Variants in RBL1 observed in about 807,000 individuals in gnomAD.
RBL1 encodes RB transcriptional corepressor like 1.
In RBL1, 82 loss-of-function variants were observed where a neutral mutation model predicts 123.0. The ratio of observed to expected loss-of-function variants is 0.67; its 90% CI spans 0.56 to 0.80. The LOEUF is 0.80. Ranked by LOEUF, RBL1 falls within the 30% of genes least tolerant of loss-of-function variation. RBL1 has a pLI of 0.00. For missense variants in RBL1, 1,171 were observed against 1,299.6 expected (o/e 0.90, Z 1.52); for synonymous variants, 405 against 441.3 (o/e 0.92, Z 1.03).
chr20:37,073,431 C>T (rs1600583369), intron 2 of RBL1, among the ~76,000 whole-genome samples: 1 of 152,212 alleles, frequency 6.6e-6, no homozygotes. Flanking sequence ...GGTGTGGTGG[C>T]TCATATCTGT....
chr20:37,061,090 G>A lies in RBL1; in HGVS notation c.1250+13C>T, dbSNP rs368761908. On this transcript the variant is annotated intron_variant, in intron 9 of 21. Transcript: ENST00000373664. Reference sequence around the variant, plus strand: ...TAAAAAGACATTTGGAAAAATAACAGTATTGTACATACTCAAAAATATTTA... The same window carrying A: ...TAAAAAGACATTTGGAAAAATAACAATATTGTACATACTCAAAAATATTTA... 13 of 1,581,382 alleles carry A rather than the reference G, an allele frequency of 8.2e-6. No homozygotes were observed. In the African/African-American group the frequency reaches 1.8e-4, roughly 21 times the overall value.
At chr20:37,087,716 A>T (rs568347133) in intron 2 of RBL1, among the ~76,000 whole-genome samples, 1 of 152,252 alleles carries the variant, frequency 6.6e-6, no homozygotes, top group Non-Finnish European at 1.5e-5. Context: ...ATAAATAGAC[A>T]TGATAAGCAA....
At chr20:37,066,926 G>A (rs963187615) in intron 5 of RBL1, 42 bp from the exon 6 acceptor site, 1 of 1,595,886 alleles carries the variant, frequency 6.3e-7, no homozygotes, top group Non-Finnish European at 8.5e-7. Context: ...AAAAAAAATA[G>A]TCAACTTTTA....
intron 20 of RBL1, among the ~76,000 whole-genome samples, chr20:37,005,894 C>CTT (rs1013303071): frequency 0.13 from 12,258 of 98,036 alleles, 1,206 homozygotes; most frequent in East Asian, 0.39. Context: ...TTTTTTCTTT[C>CTT]TTTTTTTTTT....
At chr20:37,084,091 G>C (rs571592109) in intron 2 of RBL1, among the ~76,000 whole-genome samples, 43 of 151,308 alleles carry the variant, frequency 2.8e-4, no homozygotes, top group African/African-American at 9.7e-4. Context: ...GTAGAAACAG[G>C]GTATCACCCT....
intron 2 of RBL1, chr20:37,082,054 T>C (rs1162286056): frequency 4.4e-6 from 2 of 455,068 alleles, no homozygotes; most frequent in South Asian, 1.6e-5. Context: ...AGAGCATGTG[T>C]CTCTATGCCG....
intron 2 of RBL1, chr20:37,082,088 G>A (rs2065461482): frequency 2.2e-6 from 1 of 448,460 alleles, no homozygotes; most frequent in Non-Finnish European, 4.5e-6. Context: ...GGCTGGGCCA[G>A]GATCATAAGG....
chr20:37,012,952 C>T (rs1378994534), intron 19 of RBL1, among the ~76,000 whole-genome samples: 5 of 150,930 alleles, frequency 3.3e-5, no homozygotes, highest in South Asian at 2.1e-4. Flanking sequence ...CCGCCCCGTC[C>T]GGGAGGGAGG....
intron 2 of RBL1, among the ~76,000 whole-genome samples, chr20:37,069,483 C>T (rs948972572): frequency 6.6e-6 from 1 of 150,664 alleles, no homozygotes; most frequent in African/African-American, 2.5e-5. Flanking sequence ...AGCGCCTCTG[C>T]CCCGCCACCC....
chr20:37,010,715 G>A (rs2064135584), intron 19 of RBL1, among the ~76,000 whole-genome samples: 1 of 152,172 alleles, frequency 6.6e-6, no homozygotes, highest in Non-Finnish European at 1.5e-5. Context: ...ACTGTTGTAT[G>A]TGTGGACCAT....
At chr20:37,036,579 T>C (rs2064615177) in intron 14 of RBL1, among the ~76,000 whole-genome samples, 1 of 151,918 alleles carries the variant, frequency 6.6e-6, no homozygotes, top group Admixed American at 6.6e-5. Context: ...ATTATTTATT[T>C]TTACATTCAC....
At chr20:37,006,358 G>A (rs1480072234) in intron 20 of RBL1, among the ~76,000 whole-genome samples, 12 of 150,064 alleles carry the variant, frequency 8.0e-5, no homozygotes, top group South Asian at 2.1e-4. Flanking sequence ...CTGCCACCAC[G>A]CCCAGCTAAT....
At chr20:37,004,377 C>T (rs977114590) in intron 20 of RBL1, among the ~76,000 whole-genome samples, 3 of 151,010 alleles carry the variant, frequency 2.0e-5, no homozygotes, top group Non-Finnish European at 4.4e-5. Context: ...CCACTATGCC[C>T]GGCCTATTTT....
At chr20:37,004,071 T>C (rs545217399) in intron 20 of RBL1, among the ~76,000 whole-genome samples, 1,826 of 143,412 alleles carry the variant, frequency 0.013, 36 homozygotes, top group African/African-American at 0.044. Flanking sequence ...TTCCTGAATC[T>C]TTTTTTTTTT....
rs1181776362 is a variant in RBL1 at position 37,066,814 on chromosome 20, C to T, written c.756G>A (p.Leu252=). The T allele has an allele frequency of 6.2e-7, 1 of 1,612,524 alleles. No homozygotes were observed. The highest frequency in any genetic ancestry group is 8.5e-7 in the Non-Finnish European group (1 of 1,178,830). The part of the protein sequence containing the change: ...SEEPPCIIAV[L]CELHDGLLVE... Reference sequence around the variant, plus strand: ...CGAGAAGTCCATCATGCAGTTCACACAGTACAGCAATGATGCAGGGTGGCT... The same window carrying T: ...CGAGAAGTCCATCATGCAGTTCACATAGTACAGCAATGATGCAGGGTGGCT... Residue 252 remains leucine (L), a synonymous_variant, in exon 6 of 22, where the codon CTG becomes CTA. Transcript: ENST00000373664.
intron 17 of RBL1, among the ~76,000 whole-genome samples, 178 bp downstream of exon 17, chr20:37,022,472 G>T (rs2064356021): frequency 1.3e-5 from 2 of 152,136 alleles, no homozygotes; most frequent in South Asian, 2.1e-4. Flanking sequence ...GCCTATAGGT[G>T]CAAGCCACAA....
Position 37,035,501 on chromosome 20 carries a change from T to C in RBL1, c.1911A>G (p.Gln637=). ...CATGGACAGAAATTGGAGACAATGG[T>C]TGCATATCTAAAAAAAAATAATAAA... The part of the protein sequence containing the change: ...TDSGSLRRDM[Q]PLSPISVHER... The change falls in exon 15 of 22, where the codon CAA becomes CAG. Residue 637 remains glutamine, a synonymous_variant. Coordinates refer to ENST00000373664, the MANE Select transcript of RBL1 (RefSeq NM_002895.5). 2 of 1,560,476 alleles carry C rather than the reference T, an allele frequency of 1.3e-6. No homozygotes were observed. Among genetic ancestry groups the C allele is most frequent in the Non-Finnish European group, 1.7e-6 (2 of 1,157,714 alleles).
At chr20:37,059,875 A>G (rs2065066277) in intron 9 of RBL1, among the ~76,000 whole-genome samples, 1 of 152,104 alleles carries the variant, frequency 6.6e-6, no homozygotes, top group Admixed American at 6.6e-5. Flanking sequence ...AAAACTGTAT[A>G]AAATTCCATT....
chr20:37,054,038 C>CAG (rs1357624421), intron 11 of RBL1, among the ~76,000 whole-genome samples: 4 of 151,586 alleles, frequency 2.6e-5, no homozygotes, highest in African/African-American at 4.8e-5. Context: ...TACACACACA[C>CAG]ACACACACAC....
Sources: gnomAD v4.1 joint callset for allele counts (sites outside exome capture counted in the v4.1 genomes callset) on GRCh38, gnomAD v4.1.1 for gene constraint, MANE v1.5 for transcripts, NCBI Gene and HGNC (gene_info 2026-07-23, HGNC 2026-07-21) for gene names.